ZAN: variants seen among roughly 807,000 people sequenced by gnomAD.
ZAN encodes zonadhesin (gene/pseudogene).
A neutral mutation model predicts 286.2 loss-of-function variants in ZAN; 260 were observed. The observed-to-expected ratio is 0.91, with a 90% CI of 0.82 to 1.01. ZAN has a LOEUF of 1.01. Among genes scored for constraint, ZAN ranks in the 50% least tolerant of loss-of-function variants. The pLI, the probability that ZAN is intolerant of heterozygous loss-of-function variation, is 0.00. For missense variants in ZAN, 3,410 were observed against 3,639.2 expected (o/e 0.94, Z 1.62); for synonymous variants, 1,368 against 1,417.5 (o/e 0.97, Z 0.79).
intron 35 of ZAN, among the ~76,000 whole-genome samples, 170 bp from the exon 36 acceptor site, chr7:100,784,453 C>G (rs1342015217): frequency 2.0e-5 from 3 of 152,002 alleles, no homozygotes; most frequent in Non-Finnish European, 4.4e-5. Context: ...TCCCCCAAAG[C>G]CTGGCACATA....
chr7:100,779,682 A>C lies in ZAN; in HGVS notation c.6554A>C (p.Gln2185Pro), dbSNP rs1469722539. 1 of 1,565,166 alleles carries C rather than the reference A, an allele frequency of 6.4e-7. No homozygotes were observed. The highest frequency in any genetic ancestry group is 8.7e-7 in the Non-Finnish European group (1 of 1,155,146). ...GLYQALCQAL[Q>P]AFGATCQSQG... ...TACCAGGCCCTCTGCCAGGCTCTGC[A>C]AGCCTTCGGGGCCACCTGCCAGAGC... is the stretch of plus-strand genomic sequence containing the variant. The change falls in exon 35 of 48, where the codon CAA (glutamine) becomes CCA (proline). Residue 2185 changes from glutamine (Q) to proline (P), a missense_variant. This residue lies in a region of ZAN where 1,289 missense variants were observed against 1,314.3 expected (regional missense o/e 0.98). Transcript: ENST00000613979.
Position 100,765,406 on chromosome 7 carries a change from A to T in ZAN, c.4322A>T (p.Asp1441Val), listed in dbSNP as rs1809885278. The change falls in exon 23 of 48, where the codon GAC becomes GTC. Residue 1441 changes from aspartate (D) to valine (V), a missense_variant. Asp to Val is a radical substitution (Grantham distance 152). Transcript: ENST00000613979. ...TCCCTGTGTGCGAAGCCATGCCCTG[A>T]CACCTGCCATTCAGGATTCTCCGGC... ...KYSLCAKPCP[D>V]TCHSGFSGMF... 1 of 1,613,946 alleles carries T rather than the reference A, an allele frequency of 6.2e-7. No homozygotes were observed. Among genetic ancestry groups the T allele is most frequent in the South Asian group, 1.1e-5 (1 of 91,078 alleles).
chr7:100,797,596 G>A lies in ZAN; in HGVS notation c.8386G>A (p.Asp2796Asn), dbSNP rs1456088604. ...RRKREKTQEG[D>N]RLARLVDTDT... is the part of the protein sequence containing the mutation. ...TTCTAGAGAGAAAACGCAGGAGGGA[G>A]ACAGACTGGCCAGGCTGGTGGACAC... The change falls in exon 47 of 48, where the codon GAC (aspartate) becomes AAC (asparagine). Residue 2796 changes from aspartate (D) to asparagine (N), a missense_variant. By Grantham distance (23) the Asp-to-Asn change is conservative (BLOSUM62 1). Coordinates refer to ENST00000613979, the MANE Select transcript of ZAN (RefSeq NM_003386.3). 2 of 1,613,796 alleles carry A rather than the reference G, an allele frequency of 1.2e-6. No individual in the cohort carries two copies. The highest frequency in any genetic ancestry group is 2.7e-5 in the African/African-American group (2 of 74,894).
At chr7:100,750,219 C>A (rs1422643570) in intron 11 of ZAN, among the ~76,000 whole-genome samples, 1 of 151,818 alleles carries the variant, frequency 6.6e-6, no homozygotes, top group African/African-American at 2.4e-5. Flanking sequence ...TCACTGCAAC[C>A]TCCACCTCCG....
intron 40 of ZAN, 26 bp downstream of exon 40, chr7:100,791,139 G>A (rs545919946): frequency 1.6e-5 from 25 of 1,598,780 alleles, no homozygotes; most frequent in Middle Eastern, 1.7e-4. Flanking sequence ...GGGATGAGGC[G>A]GGGGAGGTGA....
In ZAN at chr7:100,784,611, C is replaced by T. The variant is rs1231245537; in HGVS notation, c.6623-12C>T. 2 of 1,613,054 alleles carry T rather than the reference C, an allele frequency of 1.2e-6. No homozygotes were observed. The highest frequency in any genetic ancestry group is 1.7e-6 in the Non-Finnish European group (2 of 1,179,652). On this transcript the variant is annotated splice_polypyrimidine_tract_variant and intron_variant, in intron 35 of 47. Coordinates refer to ENST00000613979, the MANE Select transcript of ZAN (RefSeq NM_003386.3). Reference sequence around the variant, plus strand: ...ACCCTCTCCACTGACCCACTGTCTCCTTCACCCACAGCTCTGGAATGCCCT... The same window carrying T: ...ACCCTCTCCACTGACCCACTGTCTCTTTCACCCACAGCTCTGGAATGCCCT...
chr7:100,746,422 C>A, intron 7 of ZAN, 116 bp from the exon 8 acceptor site: 1 of 1,326,718 alleles, frequency 7.5e-7, no homozygotes, highest in Non-Finnish European at 1.0e-6. Context: ...CTGCCTGATT[C>A]TAGGCTGCTG....
At chr7:100,789,414 T>C (rs1811791218) in intron 39 of ZAN, 67 bp downstream of exon 39, 1 of 1,589,016 alleles carries the variant, frequency 6.3e-7, no homozygotes, top group Non-Finnish European at 8.6e-7. Flanking sequence ...AAATCCTATT[T>C]AAGACAGGCA....
chr7:100,785,869 G>C (rs958525949), intron 36 of ZAN, 128 bp from the exon 37 acceptor site: 12 of 1,224,876 alleles, frequency 9.8e-6, no homozygotes, highest in Non-Finnish European at 1.3e-5. Context: ...ATGTTGGCTG[G>C]GCTCGTCACA....
chr7:100,790,814 C>A, intron 39 of ZAN, 128 bp from the exon 40 acceptor site: 1 of 1,013,006 alleles, frequency 9.9e-7, no homozygotes, highest in Non-Finnish European at 1.4e-6. Flanking sequence ...AACCAGGAGG[C>A]GGAGGTTGCA....
chr7:100,749,500 C>T (rs1386384812), intron 11 of ZAN, among the ~76,000 whole-genome samples: 3 of 145,596 alleles, frequency 2.1e-5, no homozygotes, highest in East Asian at 4.2e-4. Context: ...ATTAGCCAGG[C>T]ATGGTGGTGG....
At position 100,788,060 on chromosome 7, in the gene ZAN, G is replaced by T; in HGVS notation, c.7151G>T (p.Ser2384Ile). ...CGCAACAAGATGGATCCGCCCAGGA[G>T]CTCCATCTTCTTGCAGGAAGTGATT... ...EGRNKMDPPR[S>I]SIFLQEVITT... Residue 2384 changes from serine (S) to isoleucine (I), a missense_variant, in exon 38 of 48, where the codon AGC (serine) becomes ATC (isoleucine). Coordinates refer to ENST00000613979, the MANE Select transcript of ZAN (RefSeq NM_003386.3). 1 of 1,589,844 alleles carries T rather than the reference G, an allele frequency of 6.3e-7. No individual in the cohort carries two copies.
Position 100,767,903 on chromosome 7 carries a change from C to T in ZAN, c.4933C>T (p.Leu1645Phe), listed in dbSNP as rs1298434586. 1.2e-6 allele frequency: 2 copies of T among 1,613,846 alleles called. No individual in the cohort carries two copies. Among genetic ancestry groups the T allele is most frequent in the Non-Finnish European group, 1.7e-6 (2 of 1,179,892 alleles). The change falls in exon 26 of 48, where the codon CTC (leucine) becomes TTC (phenylalanine). Residue 1645 changes from leucine to phenylalanine, a missense_variant. Around this residue, in one of 7 missense-constraint regions of ZAN, gnomAD observed 1,042 missense variants for 1,058.0 expected, o/e 0.98. Coordinates refer to ENST00000613979, the MANE Select transcript of ZAN (RefSeq NM_003386.3). ...GGTGACCATAAGGCTCAGCAGCAAC[C>T]TCGTCCTCCTCTACACGAACTTTGG... ...GRVTIRLSSNLVLLYTNFGLQ... is the reference protein window; with the variant it reads ...GRVTIRLSSNFVLLYTNFGLQ...
chr7:100,780,727 C>G (rs1197489287), intron 35 of ZAN, among the ~76,000 whole-genome samples: 2 of 151,972 alleles, frequency 1.3e-5, no homozygotes, highest in African/African-American at 2.4e-5. Context: ...ACCCTCACCC[C>G]ATGGGCCTGG....
At chr7:100,767,712 C>A in intron 25 of ZAN, 119 bp from the exon 26 acceptor site, 1 of 1,156,896 alleles carries the variant, frequency 8.6e-7, no homozygotes, top group Non-Finnish European at 1.2e-6. Flanking sequence ...ATCCTGGGCT[C>A]AAGCGATCCT....
intron 33 of ZAN, 86 bp downstream of exon 33, chr7:100,775,919 C>T (rs1439477140): frequency 1.2e-5 from 18 of 1,526,386 alleles, no homozygotes; most frequent in African/African-American, 2.7e-5. Context: ...GTGTTCGCAT[C>T]GTGCCTGCCC....
In ZAN at chr7:100,791,060, C is replaced by T. The variant is rs1373100076; in HGVS notation, c.7476C>T (p.Thr2492=). The change falls in exon 40 of 48, where the codon ACC becomes ACT. Residue 2492 remains threonine (T), a synonymous_variant. Coordinates refer to ENST00000613979, the MANE Select transcript of ZAN (RefSeq NM_003386.3). ...PSGALTQNLN[T]FGNSWEVKTE... The stretch of plus-strand genomic sequence containing the variant: ...GCGCCCTGACCCAGAACCTCAACAC[C>T]TTTGGCAACAGCTGGGAGGTGAAGA... The T allele has an allele frequency of 6.2e-7, 1 of 1,613,238 alleles. No individual in the cohort carries two copies. Among genetic ancestry groups the T allele is most frequent in the Non-Finnish European group, 8.5e-7 (1 of 1,179,744 alleles).
At chr7:100,793,121 T>C (rs1812111330) in intron 42 of ZAN, among the ~76,000 whole-genome samples, 6 of 151,766 alleles carry the variant, frequency 4.0e-5, no homozygotes, top group Admixed American at 3.9e-4. Flanking sequence ...GGAGGATCAA[T>C]TGAATCCAAG....
At chr7:100,757,760 A>C (rs1336911457) in intron 15 of ZAN, among the ~76,000 whole-genome samples, 4 of 147,122 alleles carry the variant, frequency 2.7e-5, no homozygotes, top group African/African-American at 1.0e-4. Flanking sequence ...GTCTCAAAAA[A>C]AAAAAAAAAA....
Sources: gnomAD v4.1 joint callset for allele counts (sites outside exome capture counted in the v4.1 genomes callset) on GRCh38, gnomAD v4.1.1 for gene constraint, gnomAD v4.1.1 regional missense constraint, MANE v1.5 for transcripts, NCBI Gene and HGNC (gene_info 2026-07-23, HGNC 2026-07-21) for gene names.